The following ZNF622 variants were observed in gnomAD, a reference collection of about 807,000 sequenced individuals.
The protein encoded by ZNF622 is cytoplasmic 60S subunit biogenesis factor ZNF622.
A neutral mutation model predicts 49.7 loss-of-function variants in ZNF622; 34 were observed. The observed-to-expected ratio is 0.68, with a 90% confidence interval of 0.52 to 0.91. ZNF622 has a LOEUF of 0.91. Ranked by LOEUF, ZNF622 falls within the 40% of genes least tolerant of loss-of-function variation. ZNF622 has a pLI of 0.00. For synonymous variants in ZNF622, 209 were observed against 228.7 expected (o/e 0.91, Z 0.78); for missense variants, 569 against 616.4 (o/e 0.92, Z 0.81).
chr5:16,463,654 T>C lies in ZNF622; in HGVS notation c.714A>G (p.Glu238=). The C allele has an allele frequency of 9.9e-6, 16 of 1,614,198 alleles. No homozygotes were observed. The highest frequency in any genetic ancestry group is 1.4e-5 in the Non-Finnish European group (16 of 1,180,042). The change falls in exon 2 of 6, where the codon GAA becomes GAG. Residue 238 remains glutamate, a synonymous_variant. Transcript: ENST00000308683. The surrounding 1 kb of genome is among the most constrained non-coding windows in gnomAD (Gnocchi z 4.2). ...CAAGGGGTGGGCCTTCCTCAGCCTC[T>C]TCCTCCTCTGCATCCTGCTCCACCA... is the stretch of plus-strand genomic sequence containing the variant. ...DDVVEQDAEE[E]EAEEGPPLGA...
chr5:16,458,426 T>C (rs1738067598), intron 4 of ZNF622, 91 bp downstream of exon 4: 2 of 905,398 alleles, frequency 2.2e-6, no homozygotes, highest in Non-Finnish European at 3.5e-6. Context: ...TTATGGTCTA[T>C]TTCCCTCAGT....
intron 1 of ZNF622, among the ~76,000 whole-genome samples, chr5:16,464,709 G>A (rs1304169916): frequency 6.6e-6 from 1 of 152,088 alleles, no homozygotes; most frequent in African/African-American, 2.4e-5. Flanking sequence ...CAAATTACAC[G>A]GCAGCTGGTA....
intron 3 of ZNF622, among the ~76,000 whole-genome samples, chr5:16,460,765 T>C (rs1228511265): frequency 6.6e-6 from 1 of 152,160 alleles, no homozygotes; most frequent in Non-Finnish European, 1.5e-5. Context: ...GAAAAGTTCA[T>C]ATAATTTCTC....
At chr5:16,453,981 A>C (rs986096884) in intron 4 of ZNF622, among the ~76,000 whole-genome samples, 1 of 152,178 alleles carries the variant, frequency 6.6e-6, no homozygotes, top group Admixed American at 6.5e-5. Context: ...AAGGTGATTA[A>C]GTTGAATTCT....
chr5:16,462,900 G>GGT (rs1455493995), intron 3 of ZNF622, among the ~76,000 whole-genome samples: 5 of 152,064 alleles, frequency 3.3e-5, no homozygotes, highest in Non-Finnish European at 7.4e-5. Flanking sequence ...CTTCAGTCTG[G>GGT]GTCTAAGGTC....
intron 4 of ZNF622, among the ~76,000 whole-genome samples, chr5:16,453,438 G>A (rs1231478475): frequency 6.6e-6 from 1 of 151,176 alleles, no homozygotes; most frequent in Non-Finnish European, 1.5e-5. Flanking sequence ...TTAGCATTGT[G>A]TACTTACTTG....
chr5:16,464,862 T>G (rs569950736), intron 1 of ZNF622, among the ~76,000 whole-genome samples, 179 bp downstream of exon 1: 5 of 152,202 alleles, frequency 3.3e-5, no homozygotes, highest in Non-Finnish European at 5.9e-5. Context: ...TTGAGTGAAC[T>G]AAACAGCCAA....
chr5:16,463,165 C>A lies in ZNF622; in HGVS notation c.992G>T (p.Cys331Phe). The change falls in exon 3 of 6, where the codon TGT becomes TTT. Residue 331 changes from cysteine to phenylalanine, a missense_variant. By Grantham distance (205) the Cys-to-Phe change is radical. Coordinates refer to ENST00000308683, the MANE Select transcript of ZNF622 (RefSeq NM_033414.3). The surrounding 1 kb of genome is among the most constrained non-coding windows in gnomAD (Gnocchi z 4.2). ...AGCATCGCCATCTGTGAAGAGCTTA[C>A]AGTGGCTTTTGTCATTCATATGTGC... ...VQAHMNDKSHCKLFTDGDAAL... is the reference protein window; with the variant it reads ...VQAHMNDKSHFKLFTDGDAAL... The A allele has an allele frequency of 6.2e-7, 1 of 1,613,920 alleles. No homozygotes were observed. Among genetic ancestry groups the A allele is most frequent in the Non-Finnish European group, 8.5e-7 (1 of 1,179,982 alleles).
At position 16,452,951 on chromosome 5, in the gene ZNF622, C is replaced by A. The variant is rs1384925998; in HGVS notation, c.1306+62G>T. On this transcript the variant is annotated intron_variant, in intron 5 of 5. Coordinates refer to ENST00000308683, the MANE Select transcript of ZNF622 (RefSeq NM_033414.3). ...GACAACATAAATGGAAACAACTTTC[C>A]CCAGACCCCTTCTAGAAATACAAGT... is the stretch of plus-strand genomic sequence containing the variant. The A allele has an allele frequency of 3.0e-6, 4 of 1,343,874 alleles. No homozygotes were observed. The African/African-American group carries it at 4.5e-5, about 15-fold the overall frequency. The allele number at this position is 1,343,874 out of a possible 1,614,324, so 83.2% of individuals were successfully genotyped here. A position where few individuals can be genotyped will look rare whatever the true frequency, so the allele number is the denominator to read the frequency against.
rs780374416 is a variant in ZNF622 at position 16,463,738 on chromosome 5, C to A, written c.630G>T (p.Trp210Cys). The change falls in exon 2 of 6, where the codon TGG (tryptophan) becomes TGT (cysteine). Residue 210 changes from tryptophan (W) to cysteine (C), a missense_variant. Physicochemically the swap from Trp to Cys is radical, Grantham distance 215. Coordinates refer to ENST00000308683, the MANE Select transcript of ZNF622 (RefSeq NM_033414.3). The surrounding 1 kb of genome is among the most constrained non-coding windows in gnomAD (Gnocchi z 4.2). ...EEEEDLDGDD[W>C]EDIDSDEELE... Reference sequence around the variant, plus strand: ...ATTCTTCATCAGAATCAATATCTTCCCAATCTGCAAGCCAGAATTTTGAAA... The same window carrying A: ...ATTCTTCATCAGAATCAATATCTTCACAATCTGCAAGCCAGAATTTTGAAA... 1 of 1,610,220 alleles carries A rather than the reference C, an allele frequency of 6.2e-7. No homozygotes were observed. Among genetic ancestry groups the A allele is most frequent in the South Asian group, 1.1e-5 (1 of 90,222 alleles).
At chr5:16,462,482 C>T (rs1738134633) in intron 3 of ZNF622, among the ~76,000 whole-genome samples, 1 of 151,960 alleles carries the variant, frequency 6.6e-6, no homozygotes, top group Non-Finnish European at 1.5e-5. Context: ...GGTAACATGG[C>T]GAAACCCCAT....
At chr5:16,453,321 A>C (rs1737964345) in intron 4 of ZNF622, among the ~76,000 whole-genome samples, 165 bp from the exon 5 acceptor site, 1 of 152,112 alleles carries the variant, frequency 6.6e-6, no homozygotes, top group Non-Finnish European at 1.5e-5. Flanking sequence ...ATGAAGCAGC[A>C]TGTAAAATAA....
At position 16,458,624 on chromosome 5, in the gene ZNF622, C is replaced by T; in HGVS notation, c.1055G>A (p.Ser352Asn). The T allele has an allele frequency of 6.2e-7, 1 of 1,607,870 alleles. No homozygotes were observed. The highest frequency in any genetic ancestry group is 8.5e-7 in the Non-Finnish European group (1 of 1,175,154). Residue 352 changes from serine to asparagine, a missense_variant, in exon 4 of 6, where the codon AGC becomes AAC. Transcript: ENST00000308683. Reference protein sequence around the residue: ...EFADFYDFRSSYPDHKEGEDP... With the variant: ...EFADFYDFRSNYPDHKEGEDP... ...CTCCCCTTCCTTGTGATCTGGATAG[C>T]TACTCCTATAACAGAGAAATTGCAC...
chr5:16,459,345 G>C (rs1346780058), intron 3 of ZNF622, among the ~76,000 whole-genome samples: 1 of 152,156 alleles, frequency 6.6e-6, no homozygotes, highest in East Asian at 1.9e-4. Context: ...AATGGCCAAT[G>C]AATATGCAAA....
intron 3 of ZNF622, among the ~76,000 whole-genome samples, chr5:16,461,511 A>G (rs1423685820): frequency 1.3e-5 from 2 of 152,252 alleles, no homozygotes; most frequent in African/African-American, 2.4e-5. Flanking sequence ...TAGTAGCCAT[A>G]GAAGTAGTGA....
chr5:16,451,565 CA>C lies in ZNF622; in HGVS notation c.*91del. The C allele has an allele frequency of 6.7e-7, 1 of 1,495,382 alleles. No homozygotes were observed. The highest frequency in any genetic ancestry group is 9.0e-7 in the Non-Finnish European group (1 of 1,116,558). The allele number at this position is 1,495,382 out of a possible 1,614,324, so 92.6% of individuals were successfully genotyped here. ...TAGGTCAGAACGAATGAAGTAGCAG[CA>C]AAAGGGTCTCTCCTATGATCTGTCT... On this transcript the variant is annotated 3_prime_UTR_variant, in exon 6 of 6. Transcript: ENST00000308683.
At chr5:16,462,569 T>A (rs936950224) in intron 3 of ZNF622, among the ~76,000 whole-genome samples, 1 of 152,062 alleles carries the variant, frequency 6.6e-6, no homozygotes, top group Admixed American at 6.6e-5. Context: ...GGGAGGATCA[T>A]CTGAGCTCAG....
rs961943821 is a variant in ZNF622, at chr5:16,463,684, G to A, written c.684C>T (p.Asp228=). 5.0e-6 allele frequency: 8 copies of A among 1,614,170 alleles called. No individual in the cohort carries two copies. The highest frequency in any genetic ancestry group is 2.2e-5 in the South Asian group (2 of 91,084). The change falls in exon 2 of 6, where the codon GAC becomes GAT. Residue 228 remains aspartate (D), a synonymous_variant. Transcript: ENST00000308683. The surrounding 1 kb of genome is among the most constrained non-coding windows in gnomAD (Gnocchi z 4.2). The part of the protein sequence containing the change: ...ELECEDTEAM[D]DVVEQDAEEE... ...CCTCTGCATCCTGCTCCACCACATC[G>A]TCCATTGCTTCAGTATCCTCACATT...
rs151096526 is a variant in ZNF622, at chr5:16,464,692, A to G, written c.625+349T>C. On this transcript the variant is annotated intron_variant, in intron 1 of 5. Coordinates refer to ENST00000308683, the MANE Select transcript of ZNF622 (RefSeq NM_033414.3). ...AAACCATCATAACTGGAAACCCACTAGAATCGCAAATTACACGGCAGCTGG... is the reference window on the plus strand; with the variant it reads ...AAACCATCATAACTGGAAACCCACTGGAATCGCAAATTACACGGCAGCTGG... Among the ~76,000 whole-genome samples the G allele has an allele frequency of 4.9e-3, 753 of 152,356 alleles. 9 individuals are homozygous for G. Among genetic ancestry groups the G allele is most frequent in the African/African-American group, 0.017 (719 of 41,582 alleles).
Sources: allele counts gnomAD v4.1 joint callset (sites outside exome capture counted in the v4.1 genomes callset), GRCh38; gene constraint gnomAD v4.1.1; non-coding constraint Gnocchi (gnomAD v3.1); transcripts MANE v1.5; gene names NCBI Gene and HGNC (gene_info 2026-07-23, HGNC 2026-07-21).